The following ADAMTSL3 variants were observed in gnomAD, a reference collection of about 807,000 sequenced individuals.
ADAMTSL3 encodes the protein ADAMTS-like protein 3.
Under a neutral mutation model 201.7 loss-of-function variants are expected in ADAMTSL3, and 128 were observed. The observed-to-expected ratio is 0.63, with a 90% CI of 0.55 to 0.73. ADAMTSL3 has a LOEUF of 0.73. Among genes scored for constraint, ADAMTSL3 ranks in the 30% least tolerant of loss-of-function variants. The pLI is 0.00. For missense variants in ADAMTSL3, 1,990 were observed against 2,119.6 expected, an observed-to-expected ratio of 0.94 and a Z score of 1.20; for synonymous variants, 738 against 748.4, an observed-to-expected ratio of 0.99 and a Z score of 0.23.
chr15:83,895,113 T>A (rs1159751710), intron 13 of ADAMTSL3, among the ~76,000 whole-genome samples: 2 of 152,218 alleles, frequency 1.3e-5, no homozygotes, highest in African/African-American at 2.4e-5. Flanking sequence ...AGGATTTTAT[T>A]TTAGCAAGGT....
At chr15:83,754,677 CAT>C (rs1192075001) in intron 3 of ADAMTSL3, among the ~76,000 whole-genome samples, 2 of 152,042 alleles carry the variant, frequency 1.3e-5, no homozygotes, top group Admixed American at 1.3e-4. Flanking sequence ...AATACATAGA[CAT>C]AGGGCTATAG....
Position 84,016,386 on chromosome 15 carries a change from G to A in ADAMTSL3, c.4160G>A (p.Arg1387Gln), listed in dbSNP as rs542328206. Residue 1387 changes from arginine (R) to glutamine (Q), a missense_variant, in exon 25 of 30, where the codon CGA (arginine) becomes CAA (glutamine). By Grantham distance (43) the Arg-to-Gln change is conservative (BLOSUM62 1). Transcript: ENST00000286744. ...TGCTACTTTTTTTTTTCCTCAGAAC[G>A]AAGATGGCCAGAGAGTAGAATCGTA... is the stretch of plus-strand genomic sequence containing the variant. ...VATSVLHLLE[R>Q]RWPESRIVFL... is the part of the protein sequence containing the mutation. The A allele has an allele frequency of 1.2e-5, 19 of 1,612,066 alleles. No individual in the cohort carries two copies. The highest frequency in any genetic ancestry group is 1.0e-4 in the Admixed American group (6 of 59,802).
At chr15:83,986,869 A>G (rs959483669) in intron 21 of ADAMTSL3, among the ~76,000 whole-genome samples, 1 of 152,224 alleles carries the variant, frequency 6.6e-6, no homozygotes, top group Non-Finnish European at 1.5e-5. Flanking sequence ...GAGTAAGATT[A>G]CGCAGCAGAG....
chr15:84,010,427 C>T (rs1015640048), intron 23 of ADAMTSL3, among the ~76,000 whole-genome samples: 1 of 152,124 alleles, frequency 6.6e-6, no homozygotes, highest in African/African-American at 2.4e-5. Flanking sequence ...AAAAAAGTCA[C>T]GCTGATGTAT....
chr15:84,033,076 TA>T (rs923565390), intron 28 of ADAMTSL3, among the ~76,000 whole-genome samples: 23 of 152,284 alleles, frequency 1.5e-4, no homozygotes, highest in African/African-American at 5.1e-4. Context: ...TTATTCCTTA[TA>T]TTTTTTTTCT....
At chr15:83,857,611 G>C (rs1452300665) in intron 7 of ADAMTSL3, among the ~76,000 whole-genome samples, 2 of 152,154 alleles carry the variant, frequency 1.3e-5, no homozygotes, top group African/African-American at 4.8e-5. Context: ...ATCTGGAATG[G>C]ACATTCATCA....
At position 83,994,313 on chromosome 15, in the gene ADAMTSL3, T is replaced by C. The variant is rs2067636677; in HGVS notation, c.3973+3099T>C. On this transcript the variant is annotated intron_variant, in intron 23 of 29. Coordinates refer to ENST00000286744, the MANE Select transcript of ADAMTSL3 (RefSeq NM_207517.3). ...TGTACATCTCCTTTAGGAGGAAAAA[T>C]TCTACAACTGTGGATGGCACCTGAC... Among the ~76,000 whole-genome samples, 4 of 152,150 alleles carry C rather than the reference T, an allele frequency of 2.6e-5. No homozygotes were observed. In the South Asian group the frequency reaches 8.3e-4, roughly 32 times the overall value.
At chr15:83,770,619 C>A (rs1022579026) in intron 3 of ADAMTSL3, among the ~76,000 whole-genome samples, 3 of 152,146 alleles carry the variant, frequency 2.0e-5, no homozygotes, top group East Asian at 1.9e-4. Flanking sequence ...CTAAGATAGT[C>A]TTTCCTATAC....
intron 23 of ADAMTSL3, among the ~76,000 whole-genome samples, chr15:84,011,871 G>A (rs2068012559): frequency 6.6e-6 from 1 of 152,124 alleles, no homozygotes; most frequent in Non-Finnish European, 1.5e-5. Context: ...AACATGCATT[G>A]GAATAAATAT....
Position 84,037,978 on chromosome 15 carries a change from G to A in ADAMTSL3, c.*172G>A. Reference sequence around the variant, plus strand: ...AAGGTGTAAAGTGAAATTTTCCAATGGTAGTTTTATATTCCAATTTTTTAA... The same window carrying A: ...AAGGTGTAAAGTGAAATTTTCCAATAGTAGTTTTATATTCCAATTTTTTAA... On this transcript the variant is annotated 3_prime_UTR_variant, in exon 30 of 30. Coordinates refer to ENST00000286744, the MANE Select transcript of ADAMTSL3 (RefSeq NM_207517.3). 9.5e-7 allele frequency: 1 copy of A among 1,051,842 alleles called. No homozygotes were observed. Among genetic ancestry groups the A allele is most frequent in the Admixed American group, 3.4e-5 (1 of 29,280 alleles). 65.2% of individuals were successfully genotyped at this position (1,051,842 alleles called of 1,614,324 possible).
rs542237810 is a variant in ADAMTSL3, at chr15:83,852,201, C to A, written c.728-6565C>A. Among the ~76,000 whole-genome samples the A allele has an allele frequency of 2.6e-4, 32 of 122,988 alleles. No individual in the cohort carries two copies. In the East Asian group the frequency reaches 0.013, roughly 50 times the overall value. 80.7% of individuals were successfully genotyped at this position (122,988 alleles called of 152,430 possible). ...GGTCTCGGCTCACTATGACCCCCGC[C>A]TCCTGGGTTCAAGCAATTCTCATGC... On this transcript the variant is annotated intron_variant, in intron 7 of 29. Transcript: ENST00000286744.
intron 3 of ADAMTSL3, among the ~76,000 whole-genome samples, chr15:83,730,139 A>G (rs990003101): frequency 1.5e-4 from 23 of 152,130 alleles, no homozygotes; most frequent in African/African-American, 5.3e-4. Flanking sequence ...AGAACAGGCA[A>G]CGAAGTGGAG....
At chr15:83,970,315 G>C (rs2067170481) in intron 19 of ADAMTSL3, among the ~76,000 whole-genome samples, 169 bp from the exon 20 acceptor site, 1 of 151,638 alleles carries the variant, frequency 6.6e-6, no homozygotes, top group Non-Finnish European at 1.5e-5. Context: ...AGGAGAGGAG[G>C]AAGAAACTCT....
intron 3 of ADAMTSL3, among the ~76,000 whole-genome samples, chr15:83,720,841 T>A (rs1368915777): frequency 6.6e-6 from 1 of 152,216 alleles, no homozygotes; most frequent in Non-Finnish European, 1.5e-5. Flanking sequence ...CCAATTCAAC[T>A]CATTTTAAGA....
intron 7 of ADAMTSL3, among the ~76,000 whole-genome samples, chr15:83,853,309 CA>C (rs1388313282): frequency 6.6e-6 from 1 of 151,642 alleles, no homozygotes; most frequent in Non-Finnish European, 1.5e-5. Context: ...TCTTGATTTC[CA>C]ATGTTTAGAC....
At chr15:83,732,499 T>G (rs1239517573) in intron 3 of ADAMTSL3, among the ~76,000 whole-genome samples, 1 of 152,144 alleles carries the variant, frequency 6.6e-6, no homozygotes, top group African/African-American at 2.4e-5. Context: ...CCTTAAAATT[T>G]TGATTTTCCC....
Position 83,923,927 on chromosome 15 carries a change from T to A in ADAMTSL3, c.2011T>A (p.Cys671Ser). 1 of 1,614,166 alleles carries A rather than the reference T, an allele frequency of 6.2e-7. No homozygotes were observed. The highest frequency in any genetic ancestry group is 2.2e-5 in the East Asian group (1 of 44,876). ...AGGCCATCAAGAAGCCATAGCAGTG[T>A]GCTTACATATCCAGACCCAGCAGAC... ...VGGHQEAIAV[C>S]LHIQTQQTVN... Residue 671 changes from cysteine to serine, a missense_variant, in exon 17 of 30, where the codon TGC becomes AGC. Physicochemically the swap from Cys to Ser is moderately radical, Grantham distance 112. Coordinates refer to ENST00000286744, the MANE Select transcript of ADAMTSL3 (RefSeq NM_207517.3).
chr15:83,677,733 G>C (rs1166798376), intron 2 of ADAMTSL3, among the ~76,000 whole-genome samples: 2 of 151,528 alleles, frequency 1.3e-5, no homozygotes, highest in African/African-American at 4.8e-5. Flanking sequence ...ATCTCTATCT[G>C]GTATATCAGT....
At chr15:83,732,543 A>G (rs1300632302) in intron 3 of ADAMTSL3, among the ~76,000 whole-genome samples, 1 of 152,152 alleles carries the variant, frequency 6.6e-6, no homozygotes, top group Admixed American at 6.6e-5. Flanking sequence ...AATGATGGGC[A>G]ATAATATATA....
Sources: gnomAD v4.1 joint callset for allele counts (sites outside exome capture counted in the v4.1 genomes callset) on GRCh38, gnomAD v4.1.1 for gene constraint, MANE v1.5 for transcripts, NCBI Gene and HGNC (gene_info 2026-07-23, HGNC 2026-07-21) for gene names.